Variants in KCNQ1OT1 observed in about 807,000 individuals in gnomAD.
KCNQ1OT1 encodes KCNQ1 antisense RNA 2 (non-protein coding).
At chr11:2,610,533 C>G (rs1848962996) in exon 1 of KCNQ1OT1, 1 of 398,190 alleles carries the variant, frequency 2.5e-6, no homozygotes, top group Admixed American at 4.4e-5. Context: ...TACCTCCTTG[C>G]TCTTTGCTTT....
At position 2,698,125 on chromosome 11, in the gene KCNQ1OT1, G is replaced by C; in HGVS notation, n.1870C>G. ...TGTATCAGGCTCTTGGCTGGGTACA[G>C]AGCAGGCAGCAGAAAACAAAACAGA... On this transcript the variant is annotated non_coding_transcript_exon_variant, in exon 1 of 1. Transcript: ENST00000597346. This position sits in a 1 kb window ranked among gnomAD's most constrained non-coding sequence, Gnocchi z 5.1. 1 of 398,664 alleles carries C rather than the reference G, an allele frequency of 2.5e-6. No homozygotes were observed. The highest frequency in any genetic ancestry group is 4.4e-6 in the Non-Finnish European group (1 of 226,072). 24.7% of individuals were successfully genotyped at this position (398,664 alleles called of 1,614,324 possible).
rs777554147 is a variant in KCNQ1OT1, at chr11:2,695,220, T to A, written n.4775A>T. 5.0e-6 allele frequency: 2 copies of A among 398,634 alleles called. No homozygotes were observed. The highest frequency in any genetic ancestry group is 8.8e-5 in the Admixed American group (2 of 22,726). 24.7% of individuals were successfully genotyped at this position (398,634 alleles called of 1,614,324 possible). A position where few individuals can be genotyped will look rare whatever the true frequency, so the allele number is the denominator to read the frequency against. ...CACTGTCACCCTGTAAGGGTCTGCA[T>A]AAAGTCACCGCTCTCTTCCTCTCCA... On this transcript the variant is annotated non_coding_transcript_exon_variant, in exon 1 of 1. Coordinates refer to ENST00000597346, the Ensembl canonical transcript of KCNQ1OT1. The surrounding 1 kb of genome is among the most constrained non-coding windows in gnomAD (Gnocchi z 5.2).
At chr11:2,638,594 G>A (rs889939847) in exon 1 of KCNQ1OT1, 4 of 152,120 alleles carry the variant, frequency 2.6e-5, no homozygotes, top group Non-Finnish European at 5.9e-5. Flanking sequence ...CTTTCTCTCT[G>A]GCTGCCCTTA....
Position 2,673,568 on chromosome 11 carries a change from G to A in KCNQ1OT1, n.26427C>T, listed in dbSNP as rs939052901. 2 of 398,608 alleles carry A rather than the reference G, an allele frequency of 5.0e-6. No individual in the cohort carries two copies. Among genetic ancestry groups the A allele is most frequent in the African/African-American group, 4.1e-5 (2 of 48,632 alleles). 24.7% of individuals were successfully genotyped at this position (398,608 alleles called of 1,614,324 possible). A position where few individuals can be genotyped will look rare whatever the true frequency, so the allele number is the denominator to read the frequency against. On this transcript the variant is annotated non_coding_transcript_exon_variant, in exon 1 of 1. Coordinates refer to ENST00000597346, the Ensembl canonical transcript of KCNQ1OT1. The surrounding 1 kb of genome is among the most constrained non-coding windows in gnomAD (Gnocchi z 4.5). ...TATCCCCTCCCTGGCCATGCAGGTG[G>A]AAGACCCTATTACTTGGGCTAAAGA... is the stretch of plus-strand genomic sequence containing the variant.
Position 2,695,735 on chromosome 11 carries a change from G to C in KCNQ1OT1, n.4260C>G. 5.0e-6 allele frequency: 2 copies of C among 398,638 alleles called. No homozygotes were observed. The highest frequency in any genetic ancestry group is 4.4e-6 in the Non-Finnish European group (1 of 226,074). 24.7% of individuals were successfully genotyped at this position (398,638 alleles called of 1,614,324 possible). On this transcript the variant is annotated non_coding_transcript_exon_variant, in exon 1 of 1. Coordinates refer to ENST00000597346, the Ensembl canonical transcript of KCNQ1OT1. The surrounding 1 kb of genome is among the most constrained non-coding windows in gnomAD (Gnocchi z 5.2). The stretch of plus-strand genomic sequence containing the variant: ...GTCCCCACCTGCAGCACACAGGGAG[G>C]CTTGTTCCTTGCCTTCTGCCAACAC...
Position 2,653,214 on chromosome 11 carries a change from G to A in KCNQ1OT1, n.46781C>T, listed in dbSNP as rs1037039611. ...GTGCTGTTGCAGGGCTAGGGCCAGG[G>A]CCTTGGCCTCAGGCCAGCTTCTTTC... On this transcript the variant is annotated non_coding_transcript_exon_variant, in exon 1 of 1. Transcript: ENST00000597346. This position sits in a 1 kb window ranked among gnomAD's most constrained non-coding sequence, Gnocchi z 5.3. 2.5e-5 allele frequency: 10 copies of A among 398,770 alleles called. No individual in the cohort carries two copies. In the East Asian group the frequency reaches 3.6e-4, roughly 14 times the overall value. The allele number at this position is 398,770 out of a possible 1,614,324, so 24.7% of individuals were successfully genotyped here. A position where few individuals can be genotyped will look rare whatever the true frequency, so the allele number is the denominator to read the frequency against.
Position 2,621,805 on chromosome 11 carries a change from T to C in KCNQ1OT1, n.78190A>G. On this transcript the variant is annotated non_coding_transcript_exon_variant, in exon 1 of 1. Transcript: ENST00000597346. This position sits in a 1 kb window ranked among gnomAD's most constrained non-coding sequence, Gnocchi z 5.7. ...GTTGATTTTATTTTTCAAAAATCAA[T>C]TCTTTGTTTCAAAAATTGAAGTCTT... The C allele has an allele frequency of 2.5e-6, 1 of 398,366 alleles. No homozygotes were observed. The highest frequency in any genetic ancestry group is 1.3e-4 in the South Asian group (1 of 7,854). 24.7% of individuals were successfully genotyped at this position (398,366 alleles called of 1,614,324 possible).
rs764827552 is a variant in KCNQ1OT1, at chr11:2,690,994, G to T, written n.9001C>A. ...AACAAAAGCCCACCAGACCATCAAT[G>T]AAGTGGGCAAAAGCTCTGGGTGAAC... On this transcript the variant is annotated non_coding_transcript_exon_variant, in exon 1 of 1. Coordinates refer to ENST00000597346, the Ensembl canonical transcript of KCNQ1OT1. The surrounding 1 kb of genome is among the most constrained non-coding windows in gnomAD (Gnocchi z 5.1). 2.5e-6 allele frequency: 1 copy of T among 398,558 alleles called. No individual in the cohort carries two copies. The highest frequency in any genetic ancestry group is 4.4e-6 in the Non-Finnish European group (1 of 226,092). 24.7% of individuals were successfully genotyped at this position (398,558 alleles called of 1,614,324 possible).
rs1253941109 is a variant in KCNQ1OT1 at position 2,698,151 on chromosome 11, G to A, written n.1844C>T. The A allele has an allele frequency of 5.0e-6, 2 of 398,520 alleles. No individual in the cohort carries two copies. Among genetic ancestry groups the A allele is most frequent in the Non-Finnish European group, 8.8e-6 (2 of 226,072 alleles). 24.7% of individuals were successfully genotyped at this position (398,520 alleles called of 1,614,324 possible). On this transcript the variant is annotated non_coding_transcript_exon_variant, in exon 1 of 1. Coordinates refer to ENST00000597346, the Ensembl canonical transcript of KCNQ1OT1. This position sits in a 1 kb window ranked among gnomAD's most constrained non-coding sequence, Gnocchi z 5.1. ...AGCAGGCAGCAGAAAACAAAACAGAGTTCCTCGTTGGGAGCTTTTGGTCTA... is the reference window on the plus strand; with the variant it reads ...AGCAGGCAGCAGAAAACAAAACAGAATTCCTCGTTGGGAGCTTTTGGTCTA...
rs1850190591 is a variant in KCNQ1OT1 at position 2,671,941 on chromosome 11, T to C, written n.28054A>G. The C allele has an allele frequency of 2.5e-6, 1 of 398,654 alleles. No homozygotes were observed. The highest frequency in any genetic ancestry group is 4.4e-6 in the Non-Finnish European group (1 of 226,094). The allele number at this position is 398,654 out of a possible 1,614,324, so 24.7% of individuals were successfully genotyped here. ...TGCTTCCTCAGGCAGCTAGTCTCTG[T>C]ATCTGGGGTAGAAAGAGTGGGCTAA... On this transcript the variant is annotated non_coding_transcript_exon_variant, in exon 1 of 1. Coordinates refer to ENST00000597346, the Ensembl canonical transcript of KCNQ1OT1. The surrounding 1 kb of genome is among the most constrained non-coding windows in gnomAD (Gnocchi z 4.7).
exon 1 of KCNQ1OT1, chr11:2,693,408 T>G (rs1219447412): frequency 2.5e-6 from 1 of 398,566 alleles, no homozygotes; most frequent in African/African-American, 2.1e-5. Flanking sequence ...GGGCCTAAGC[T>G]GGGAATAAGC....
Position 2,676,397 on chromosome 11 carries a change from C to T in KCNQ1OT1, n.23598G>A, listed in dbSNP as rs1850295105. ...GAAGGAGCATAGTCTCTGTGTTCAG[C>T]TAGAGATTTAGCCCAATGGGCTGGG... On this transcript the variant is annotated non_coding_transcript_exon_variant, in exon 1 of 1. Coordinates refer to ENST00000597346, the Ensembl canonical transcript of KCNQ1OT1. This position sits in a 1 kb window ranked among gnomAD's most constrained non-coding sequence, Gnocchi z 4.2. The T allele has an allele frequency of 2.5e-6, 1 of 398,620 alleles. No individual in the cohort carries two copies. The highest frequency in any genetic ancestry group is 4.4e-6 in the Non-Finnish European group (1 of 226,062). The allele number at this position is 398,620 out of a possible 1,614,324, so 24.7% of individuals were successfully genotyped here.
chr11:2,656,641 T>C (rs1849853505), exon 1 of KCNQ1OT1: 2 of 398,544 alleles, frequency 5.0e-6, no homozygotes, highest in Non-Finnish European at 8.8e-6. Context: ...ATTTTTCCTA[T>C]TGATTTGTAG....
chr11:2,685,916 C>T (rs921047082), exon 1 of KCNQ1OT1: 1 of 398,786 alleles, frequency 2.5e-6, no homozygotes, highest in African/African-American at 2.1e-5. Flanking sequence ...ATGAGCCTGA[C>T]CAAGTTCTGG....
In KCNQ1OT1 at chr11:2,621,371, C is replaced by T; in HGVS notation, n.78624G>A. 1 of 398,550 alleles carries T rather than the reference C, an allele frequency of 2.5e-6. No individual in the cohort carries two copies. Among genetic ancestry groups the T allele is most frequent in the Non-Finnish European group, 4.4e-6 (1 of 226,048 alleles). The allele number at this position is 398,550 out of a possible 1,614,324, so 24.7% of individuals were successfully genotyped here. ...CTTTTAAGAAATGTATGTTCCTGTC[C>T]TTTGCCAATTCAATTGGATTATTCG... On this transcript the variant is annotated non_coding_transcript_exon_variant, in exon 1 of 1. Transcript: ENST00000597346. This position sits in a 1 kb window ranked among gnomAD's most constrained non-coding sequence, Gnocchi z 5.7.
chr11:2,645,862 T>C lies in KCNQ1OT1; in HGVS notation n.54133A>G. On this transcript the variant is annotated non_coding_transcript_exon_variant, in exon 1 of 1. Coordinates refer to ENST00000597346, the Ensembl canonical transcript of KCNQ1OT1. The surrounding 1 kb of genome is among the most constrained non-coding windows in gnomAD (Gnocchi z 5.8). ...GGATTCAGGGGATGTGTGAATTGCC[T>C]GAGGATTCAGGGTGATCTCCCTCTC... 1 of 398,642 alleles carries C rather than the reference T, an allele frequency of 2.5e-6. No homozygotes were observed. Among genetic ancestry groups the C allele is most frequent in the Non-Finnish European group, 4.4e-6 (1 of 226,092 alleles). 24.7% of individuals were successfully genotyped at this position (398,642 alleles called of 1,614,324 possible).
chr11:2,643,397 G>A (rs1849609733), exon 1 of KCNQ1OT1: 1 of 398,344 alleles, frequency 2.5e-6, no homozygotes, highest in African/African-American at 2.1e-5. Context: ...TGATCCCTCT[G>A]TCACTATATA....
chr11:2,699,453 G>C, exon 1 of KCNQ1OT1: 1 of 402,454 alleles, frequency 2.5e-6, no homozygotes. Context: ...GCACTGAGGA[G>C]CCGCCGGGAG....
Position 2,608,749 on chromosome 11 carries a change from A to G in KCNQ1OT1, n.91246T>C, listed in dbSNP as rs939099376. The G allele has an allele frequency of 7.5e-6, 3 of 398,636 alleles. No individual in the cohort carries two copies. The highest frequency in any genetic ancestry group is 1.3e-5 in the Non-Finnish European group (3 of 226,100). 24.7% of individuals were successfully genotyped at this position (398,636 alleles called of 1,614,324 possible). A position where few individuals can be genotyped will look rare whatever the true frequency, so the allele number is the denominator to read the frequency against. ...AGCAATTCTCCTGCCTTGGCCTCCC[A>G]AAGTGCTGGGATTACAGGTGTGAGC... On this transcript the variant is annotated non_coding_transcript_exon_variant, in exon 1 of 1. Coordinates refer to ENST00000597346, the Ensembl canonical transcript of KCNQ1OT1. This position sits in a 1 kb window ranked among gnomAD's most constrained non-coding sequence, Gnocchi z 4.6.
Sources: allele counts gnomAD v4.1 joint callset, GRCh38; gene constraint gnomAD v4.1.1; non-coding constraint Gnocchi (gnomAD v3.1); transcripts MANE v1.5; gene names NCBI Gene and HGNC (gene_info 2026-07-23, HGNC 2026-07-21).